The following MX2 variants were observed in gnomAD, a reference collection of about 807,000 sequenced individuals.
MX2 encodes the protein interferon-induced GTP-binding protein Mx2.
In MX2, 51 loss-of-function variants were observed where a neutral mutation model predicts 74.0. The observed-to-expected ratio is 0.69, with a 90% confidence interval of 0.55 to 0.87. The LOEUF (loss-of-function observed/expected upper bound fraction) is 0.87. MX2 is among the 40% of genes least tolerant of loss of function. The pLI, the probability that MX2 is intolerant of heterozygous loss-of-function variation, is 0.00. For missense variants in MX2, 832 were observed against 908.7 expected (o/e 0.92, Z 1.09); for synonymous variants, 369 against 339.3 (o/e 1.09, Z -0.96).
chr21:41,384,780 A>G (rs1601410288), intron 5 of MX2, among the ~76,000 whole-genome samples: 3 of 151,602 alleles, frequency 2.0e-5, no homozygotes, highest in Non-Finnish European at 4.4e-5. Flanking sequence ...CAGAGGTTGC[A>G]GTGAGCCAAG....
chr21:41,383,801 A>C (rs2089530492), intron 5 of MX2, among the ~76,000 whole-genome samples: 1 of 152,222 alleles, frequency 6.6e-6, no homozygotes, highest in Non-Finnish European at 1.5e-5. Flanking sequence ...ATTAGCTCGT[A>C]TCACTTGCTG....
chr21:41,390,190 G>T (rs912484557), intron 5 of MX2: 1 of 221,092 alleles, frequency 4.5e-6, no homozygotes, highest in South Asian at 7.0e-5. Context: ...ACCGCTGGCC[G>T]CAAAGGCATC....
intron 12 of MX2, among the ~76,000 whole-genome samples, chr21:41,406,134 G>A (rs1212786857): frequency 6.6e-6 from 1 of 152,136 alleles, no homozygotes; most frequent in Non-Finnish European, 1.5e-5. Flanking sequence ...GATTGCAGGC[G>A]TGTGCCACCA....
Position 41,388,992 on chromosome 21 carries a change from C to A in MX2, c.733-1573C>A, listed in dbSNP as rs2089619316. The stretch of plus-strand genomic sequence containing the variant: ...TGGCAGAGTCATCCTTCTGAATTGT[C>A]AACAGTGCTGGAAGGAGAGCTGGAG... On this transcript the variant is annotated intron_variant, in intron 5 of 13. Transcript: ENST00000330714. This position sits in a 1 kb window ranked among gnomAD's most constrained non-coding sequence, Gnocchi z 4.0. Among the ~76,000 whole-genome samples the A allele has an allele frequency of 6.6e-6, 1 of 152,070 alleles. No individual in the cohort carries two copies. Among genetic ancestry groups the A allele is most frequent in the African/African-American group, 2.4e-5 (1 of 41,394 alleles).
At chr21:41,396,160 AAC>A (rs1278620997) in intron 7 of MX2, among the ~76,000 whole-genome samples, 2 of 152,238 alleles carry the variant, frequency 1.3e-5, no homozygotes, top group Non-Finnish European at 2.9e-5. Context: ...AACAGGACTG[AAC>A]ACAGAGCACC....
chr21:41,405,754 A>G (rs448514), intron 12 of MX2, among the ~76,000 whole-genome samples: 108,946 of 145,928 alleles, frequency 0.75, 41,224 homozygotes, highest in Non-Finnish European at 0.82. Flanking sequence ...ACCCAGGCTG[A>G]AGTGCAATGG....
At chr21:41,406,439 A>G (rs1428431928) in intron 12 of MX2, among the ~76,000 whole-genome samples, 2 of 152,202 alleles carry the variant, frequency 1.3e-5, no homozygotes, top group African/African-American at 4.8e-5. Context: ...TCCCAACAGC[A>G]TGGACTAAGC....
chr21:41,395,453 T>TG, intron 6 of MX2, 134 bp from the exon 7 acceptor site: 1 of 693,380 alleles, frequency 1.4e-6, no homozygotes, highest in Non-Finnish European at 2.5e-6. Context: ...GGAATGAGGA[T>TG]GGAATGAGGC....
intron 1 of MX2, among the ~76,000 whole-genome samples, chr21:41,373,360 G>A (rs1601395198): frequency 6.6e-6 from 1 of 152,332 alleles, no homozygotes; most frequent in Middle Eastern, 3.4e-3. Context: ...ACCAATGCAT[G>A]ATGTGACTTT....
At chr21:41,387,068 G>A (rs2089588911) in intron 5 of MX2, among the ~76,000 whole-genome samples, 1 of 152,282 alleles carries the variant, frequency 6.6e-6, no homozygotes, top group East Asian at 1.9e-4. Flanking sequence ...GCACGCAATC[G>A]TGTGCCTTTC....
intron 12 of MX2, among the ~76,000 whole-genome samples, chr21:41,405,180 A>G (rs1234176712): frequency 1.3e-5 from 2 of 151,744 alleles, no homozygotes; most frequent in Non-Finnish European, 2.9e-5. Flanking sequence ...AATCACTTGA[A>G]CCTGGGAGGC....
intron 12 of MX2, chr21:41,403,760 C>T (rs73905359): frequency 0.042 from 17,744 of 425,224 alleles, 740 homozygotes; most frequent in East Asian, 0.17. Context: ...ACTCTTCCCC[C>T]GAGTTACCTT....
chr21:41,397,694 G>A lies in MX2; in HGVS notation c.1149+3G>A. 6.2e-7 allele frequency: 1 copy of A among 1,613,748 alleles called. No individual in the cohort carries two copies. The highest frequency in any genetic ancestry group is 8.5e-7 in the Non-Finnish European group (1 of 1,179,710). On this transcript the variant is annotated splice_donor_region_variant and intron_variant, in intron 8 of 13. Transcript: ENST00000330714. ...CTGAACTCATCATGCATATCCAAGT[G>A]AGCCACGTGGGTTGGGTGACAAGTC...
intron 7 of MX2, 40 bp from the exon 8 acceptor site, chr21:41,397,573 C>G: frequency 6.3e-7 from 1 of 1,577,456 alleles, no homozygotes; most frequent in South Asian, 1.1e-5. Flanking sequence ...AGATGGTACA[C>G]AAGTCCTTCC....
rs750002945 is a variant in MX2 at position 41,380,157 on chromosome 21, C to T, written c.577+6C>T. 1 of 1,613,586 alleles carries T rather than the reference C, an allele frequency of 6.2e-7. No individual in the cohort carries two copies. Among genetic ancestry groups the T allele is most frequent in the East Asian group, 2.2e-5 (1 of 44,890 alleles). ...GGAGAAAGAGATACACAAAGGTGGGCCCACGTCATTCTGAGGTTCGGATCT... is the reference window on the plus strand; with the variant it reads ...GGAGAAAGAGATACACAAAGGTGGGTCCACGTCATTCTGAGGTTCGGATCT... On this transcript the variant is annotated splice_donor_region_variant and intron_variant, in intron 4 of 13. Coordinates refer to ENST00000330714, the MANE Select transcript of MX2 (RefSeq NM_002463.2). This position sits in a 1 kb window ranked among gnomAD's most constrained non-coding sequence, Gnocchi z 4.3.
At chr21:41,385,331 G>A (rs745813710) in intron 5 of MX2, among the ~76,000 whole-genome samples, 1 of 152,202 alleles carries the variant, frequency 6.6e-6, no homozygotes, top group Non-Finnish European at 1.5e-5. Flanking sequence ...TTGAATTGTA[G>A]CTCCCATAAT....
chr21:41,407,892 G>A, intron 13 of MX2, 99 bp from the exon 14 acceptor site: 3 of 1,508,732 alleles, frequency 2.0e-6, no homozygotes, highest in Non-Finnish European at 2.7e-6. Context: ...GCTTCGCCAG[G>A]CAACCATGTG....
At chr21:41,377,450 C>T (rs2074559) in intron 2 of MX2, among the ~76,000 whole-genome samples, 23,690 of 152,172 alleles carry the variant, frequency 0.16, 2,046 homozygotes, top group Middle Eastern at 0.28. Flanking sequence ...ACTTGCCACC[C>T]TCCCCAGCTC....
rs953625578 is a variant in MX2 at position 41,397,613 on chromosome 21, A to G, written c.1071A>G (p.Arg357=). 1.2e-6 allele frequency: 2 copies of G among 1,613,648 alleles called. No homozygotes were observed. The highest frequency in any genetic ancestry group is 1.7e-6 in the Non-Finnish European group (2 of 1,179,548). Residue 357 remains arginine (R), a splice_region_variant and synonymous_variant, in exon 8 of 14, where the codon AGA becomes AGG. Coordinates refer to ENST00000330714, the MANE Select transcript of MX2 (RefSeq NM_002463.2). ...ITFFQTHPYF[R]VLLEEGSATV... ...TGCATGAATGTCTGTCTCATTTCAG[A>G]GTTCTCCTGGAGGAGGGGTCAGCCA...
Sources: gnomAD v4.1 joint callset for allele counts (sites outside exome capture counted in the v4.1 genomes callset) on GRCh38, gnomAD v4.1.1 for gene constraint, Gnocchi (gnomAD v3.1) non-coding constraint, MANE v1.5 for transcripts, NCBI Gene and HGNC (gene_info 2026-07-23, HGNC 2026-07-21) for gene names.